The following DGKE variants were observed in gnomAD, a reference collection of about 807,000 sequenced individuals.
DGKE encodes the protein DAG kinase epsilon.
DGKE carries 53 observed loss-of-function variants against 70.0 expected under a neutral mutation model. The ratio of observed to expected loss-of-function variants is 0.76; its 90% confidence interval spans 0.61 to 0.95. The LOEUF (loss-of-function observed/expected upper bound fraction) is 0.95, where lower values mean the gene tolerates loss of function less well. Among genes scored for constraint, DGKE ranks in the 40% least tolerant of loss-of-function variants. DGKE has a pLI of 0.00. For missense variants in DGKE, 655 were observed against 706.9 expected (o/e 0.93, Z 0.83); for synonymous variants, 291 against 257.0 (o/e 1.13, Z -1.27).
intron 9 of DGKE, among the ~76,000 whole-genome samples, chr17:56,859,784 C>T (rs1869965990): frequency 6.6e-6 from 1 of 152,058 alleles, no homozygotes; most frequent in African/African-American, 2.4e-5. Context: ...TTAATAGCAA[C>T]AACAGAGACA....
At chr17:56,845,048 C>CT (rs1242703269) in intron 3 of DGKE, among the ~76,000 whole-genome samples, 2 of 152,016 alleles carry the variant, frequency 1.3e-5, no homozygotes, top group Non-Finnish European at 2.9e-5. Flanking sequence ...TCTTATTTAT[C>CT]TGAGTTCAAC....
In DGKE at chr17:56,864,575, G is replaced by C. The variant is rs1043471920; in HGVS notation, c.*1784G>C. ...TTTCATGGTAAGTAACCATGGCAGT[G>C]AGGATGGCAGAGTTTTGTTTTTTTT... On this transcript the variant is annotated 3_prime_UTR_variant, in exon 12 of 12. Coordinates refer to ENST00000284061, the MANE Select transcript of DGKE (RefSeq NM_003647.3). 4 of 138,420 alleles carry C rather than the reference G, an allele frequency of 2.9e-5. No individual in the cohort carries two copies. The highest frequency in any genetic ancestry group is 1.6e-4 in the Admixed American group (2 of 12,426). The allele number at this position is 138,420 out of a possible 1,614,324, so 8.6% of individuals were successfully genotyped here.
chr17:56,849,729 C>G (rs925148983), intron 7 of DGKE, among the ~76,000 whole-genome samples: 1 of 152,124 alleles, frequency 6.6e-6, no homozygotes, highest in Non-Finnish European at 1.5e-5. Context: ...ATACATATTA[C>G]TATTAGATTT....
At chr17:56,839,377 T>G (rs932172056) in intron 2 of DGKE, among the ~76,000 whole-genome samples, 1 of 152,242 alleles carries the variant, frequency 6.6e-6, no homozygotes, top group Non-Finnish European at 1.5e-5. Flanking sequence ...CAAGACATTT[T>G]AGTAATGTCT....
chr17:56,858,527 G>T (rs556983193), intron 8 of DGKE, 67 bp from the exon 9 acceptor site: 4 of 1,298,960 alleles, frequency 3.1e-6, no homozygotes, highest in Middle Eastern at 1.9e-4. Flanking sequence ...TTGATACAGC[G>T]TATTTTTTCT....
At chr17:56,848,287 T>C (rs1907434283) in intron 5 of DGKE, among the ~76,000 whole-genome samples, 1 of 152,004 alleles carries the variant, frequency 6.6e-6, no homozygotes. Flanking sequence ...CCTACAAAGT[T>C]GCTGAGACTA....
intron 2 of DGKE, 71 bp downstream of exon 2, chr17:56,835,330 A>C (rs750649560): frequency 6.9e-7 from 1 of 1,452,318 alleles, no homozygotes; most frequent in South Asian, 1.3e-5. Context: ...AGTGGTGTAG[A>C]GGCCTGCTTT....
chr17:56,849,286 C>G, intron 7 of DGKE, 54 bp downstream of exon 7: 1 of 1,511,178 alleles, frequency 6.6e-7, no homozygotes, highest in Non-Finnish European at 9.1e-7. Flanking sequence ...GCACAAGATA[C>G]GGCACTCTGT....
At chr17:56,860,532 G>C (rs540710690) in intron 9 of DGKE, among the ~76,000 whole-genome samples, 3 of 152,148 alleles carry the variant, frequency 2.0e-5, no homozygotes, top group Non-Finnish European at 4.4e-5. Context: ...CTGTCTCCAA[G>C]AAGAAACCAA....
At chr17:56,858,552 T>C (rs1386602901) in intron 8 of DGKE, 42 bp from the exon 9 acceptor site, 6 of 1,493,776 alleles carry the variant, frequency 4.0e-6, no homozygotes, top group Non-Finnish European at 5.5e-6. Context: ...GTTTACAGGG[T>C]TAGATTGTTT....
chr17:56,850,935 GA>G (rs1195870711), intron 7 of DGKE, among the ~76,000 whole-genome samples: 1 of 152,198 alleles, frequency 6.6e-6, no homozygotes, highest in Non-Finnish European at 1.5e-5. Context: ...CCCTAGCTGA[GA>G]AGATTCAGAG....
intron 7 of DGKE, among the ~76,000 whole-genome samples, chr17:56,856,057 C>T (rs1310757354): frequency 1.4e-5 from 2 of 147,006 alleles, no homozygotes; most frequent in East Asian, 2.0e-4. Context: ...TGTGTTGGAA[C>T]GAAGGATGGT....
In DGKE at chr17:56,865,846, G is replaced by A. The variant is rs2144312450; in HGVS notation, c.*3055G>A. On this transcript the variant is annotated 3_prime_UTR_variant, in exon 12 of 12. Transcript: ENST00000284061. ...AATATATTTATTGAATTTTAAATTT[G>A]CACTAACTTGAAAACTTTAAAGGTT... is the stretch of plus-strand genomic sequence containing the variant. 6.6e-6 allele frequency: 1 copy of A among 151,988 alleles called. No individual in the cohort carries two copies. The highest frequency in any genetic ancestry group is 2.1e-4 in the South Asian group (1 of 4,818). 9.4% of individuals were successfully genotyped at this position (151,988 alleles called of 1,614,324 possible). A position where few individuals can be genotyped will look rare whatever the true frequency, so the allele number is the denominator to read the frequency against.
intron 7 of DGKE, among the ~76,000 whole-genome samples, chr17:56,850,699 G>A (rs1184273422): frequency 6.6e-6 from 1 of 152,042 alleles, no homozygotes; most frequent in Non-Finnish European, 1.5e-5. Flanking sequence ...CTTTGAGAAG[G>A]CACAAAACCT....
chr17:56,848,372 G>A (rs754050216), intron 5 of DGKE, among the ~76,000 whole-genome samples: 9 of 152,022 alleles, frequency 5.9e-5, no homozygotes, highest in Non-Finnish European at 1.2e-4. Context: ...TGCCTGGGCT[G>A]CTGTCAAACT....
chr17:56,845,313 G>A (rs111886167), intron 3 of DGKE, among the ~76,000 whole-genome samples: 82 of 152,230 alleles, frequency 5.4e-4, no homozygotes, highest in African/African-American at 1.8e-3. Context: ...AAAAAAATCA[G>A]TGTCTATTCT....
In DGKE at chr17:56,848,858, G is replaced by A. The variant is rs1371793114; in HGVS notation, c.1046+5G>A. ...AGATGGAATTAAACTAGATCGGTAA[G>A]TTACGTTTCCCCAAAAAGTAGATTT... is the stretch of plus-strand genomic sequence containing the variant. On this transcript the variant is annotated splice_donor_5th_base_variant and intron_variant, in intron 6 of 11. Coordinates refer to ENST00000284061, the MANE Select transcript of DGKE (RefSeq NM_003647.3). The A allele has an allele frequency of 6.2e-7, 1 of 1,614,050 alleles. No individual in the cohort carries two copies. Among genetic ancestry groups the A allele is most frequent in the Admixed American group, 1.7e-5 (1 of 59,982 alleles).
At position 56,849,205 on chromosome 17, in the gene DGKE, A is replaced by G. The variant is rs1203813536; in HGVS notation, c.1071A>G (p.Lys357=). 1 of 1,609,828 alleles carries G rather than the reference A, an allele frequency of 6.2e-7. No homozygotes were observed. The highest frequency in any genetic ancestry group is 1.3e-5 in the African/African-American group (1 of 74,728). The change falls in exon 7 of 12, where the codon AAA becomes AAG. Residue 357 remains lysine, a synonymous_variant. Coordinates refer to ENST00000284061, the MANE Select transcript of DGKE (RefSeq NM_003647.3). ...GATGGAAAGTTCAAGTAACAAATAA[A>G]GGATACTACAACTTAAGAAAACCCA... The part of the protein sequence containing the change: ...LDRWKVQVTN[K]GYYNLRKPKE...
rs1908501204 is a variant in DGKE at position 56,865,713 on chromosome 17, T to C, written c.*2922T>C. ...TACATTTGCTTAGAGTTATAAAATA[T>C]ACTGTGACTCAGAAATTGTAAAGTC... is the stretch of plus-strand genomic sequence containing the variant. On this transcript the variant is annotated 3_prime_UTR_variant, in exon 12 of 12. Coordinates refer to ENST00000284061, the MANE Select transcript of DGKE (RefSeq NM_003647.3). 6.6e-6 allele frequency: 1 copy of C among 152,132 alleles called. No homozygotes were observed. Among genetic ancestry groups the C allele is most frequent in the African/African-American group, 2.4e-5 (1 of 41,456 alleles). The allele number at this position is 152,132 out of a possible 1,614,324, so 9.4% of individuals were successfully genotyped here. A position where few individuals can be genotyped will look rare whatever the true frequency, so the allele number is the denominator to read the frequency against.
Sources: allele counts gnomAD v4.1 joint callset (sites outside exome capture counted in the v4.1 genomes callset), GRCh38; gene constraint gnomAD v4.1.1; transcripts MANE v1.5; gene names NCBI Gene and HGNC (gene_info 2026-07-23, HGNC 2026-07-21).